The following MEI4 variants were observed in gnomAD, a reference collection of about 807,000 sequenced individuals.
MEI4 encodes meiotic double-stranded break formation protein 4.
In MEI4, 27 loss-of-function variants were observed where a neutral mutation model predicts 31.4. The ratio of observed to expected loss-of-function variants is 0.86; its 90% CI spans 0.63 to 1.19. MEI4 has a LOEUF of 1.19. Among genes scored for constraint, MEI4 ranks in the 50% most tolerant of loss-of-function variants. The pLI is 0.00. For missense variants in MEI4, 329 were observed against 398.9 expected (o/e 0.82, Z 1.49); for synonymous variants, 122 against 145.4 (o/e 0.84, Z 1.16).
intron 3 of MEI4, among the ~76,000 whole-genome samples, chr6:77,778,125 C>G (rs9343657): frequency 1.8e-5 from 2 of 112,012 alleles, no homozygotes; most frequent in Non-Finnish European, 3.3e-5. Flanking sequence ...AGAGAGCAGG[C>G]AAGAGAGTGC....
intron 1 of MEI4, among the ~76,000 whole-genome samples, chr6:77,678,350 G>T (rs62418197): frequency 1.3e-5 from 2 of 152,150 alleles, no homozygotes; most frequent in East Asian, 3.9e-4. Context: ...GTTTGGATTT[G>T]TGATCTCTAA....
intron 4 of MEI4, among the ~76,000 whole-genome samples, chr6:77,902,754 G>T (rs1766210635): frequency 6.6e-6 from 1 of 152,062 alleles, no homozygotes; most frequent in Non-Finnish European, 1.5e-5. Flanking sequence ...CCATTTGTCT[G>T]TTATCTACCT....
intron 3 of MEI4, among the ~76,000 whole-genome samples, chr6:77,793,935 C>G (rs992494539): frequency 6.6e-6 from 1 of 152,050 alleles, no homozygotes; most frequent in Admixed American, 6.6e-5. Context: ...TAAGTCCTTA[C>G]CTGTCAATAA....
intron 2 of MEI4, among the ~76,000 whole-genome samples, chr6:77,708,962 G>A (rs765946857): frequency 6.6e-5 from 10 of 152,070 alleles, no homozygotes; most frequent in Admixed American, 2.0e-4. Context: ...TTATAGCAAC[G>A]TAAACAGACT....
intron 4 of MEI4, among the ~76,000 whole-genome samples, chr6:77,877,329 A>G (rs1275437682): frequency 6.6e-6 from 1 of 151,886 alleles, no homozygotes; most frequent in Non-Finnish European, 1.5e-5. Context: ...TTTTTTCTAA[A>G]TCTCTTATAA....
chr6:77,865,179 A>G (rs1770988237), intron 4 of MEI4, among the ~76,000 whole-genome samples: 1 of 152,222 alleles, frequency 6.6e-6, no homozygotes, highest in African/African-American at 2.4e-5. Context: ...GAACTAGAGA[A>G]GCAAGAGCAA....
intron 1 of MEI4, among the ~76,000 whole-genome samples, chr6:77,659,421 A>C (rs1279137854): frequency 6.6e-6 from 1 of 152,194 alleles, no homozygotes; most frequent in Non-Finnish European, 1.5e-5. Context: ...GAGTGCTGAA[A>C]GGGGTGTCTT....
chr6:77,761,159 G>A lies in MEI4; in HGVS notation c.262G>A (p.Glu88Lys). Residue 88 changes from glutamate (E) to lysine (K), a missense_variant, in exon 3 of 5, where the codon GAA becomes AAA. Transcript: ENST00000684080. ...CGTTTCCTCCCAGTTGGAGGCTCAG[G>A]AACCTAAGAGTTCTGAAAGTACATT... is the stretch of plus-strand genomic sequence containing the variant. ...GYVSSQLEAQ[E>K]PKSSESTLTS... 2 of 1,231,972 alleles carry A rather than the reference G, an allele frequency of 1.6e-6. No homozygotes were observed. Among genetic ancestry groups the A allele is most frequent in the Non-Finnish European group, 2.0e-6 (2 of 987,890 alleles). The allele number at this position is 1,231,972 out of a possible 1,614,324, so 76.3% of individuals were successfully genotyped here. A position where few individuals can be genotyped will look rare whatever the true frequency, so the allele number is the denominator to read the frequency against.
At chr6:77,699,275 G>C (rs1373121404) in intron 2 of MEI4, among the ~76,000 whole-genome samples, 10 of 143,218 alleles carry the variant, frequency 7.0e-5, no homozygotes, top group South Asian at 4.4e-4. Context: ...CTGCAAGCTC[G>C]GCCTCCCGGG....
intron 2 of MEI4, among the ~76,000 whole-genome samples, chr6:77,692,756 A>G (rs1428334656): frequency 2.0e-5 from 3 of 152,084 alleles, no homozygotes; most frequent in African/African-American, 7.2e-5. Context: ...GATGGTGAAC[A>G]CAGAAATAAG....
chr6:77,829,788 G>C (rs544198500), intron 4 of MEI4, among the ~76,000 whole-genome samples: 1 of 152,088 alleles, frequency 6.6e-6, no homozygotes, highest in Non-Finnish European at 1.5e-5. Context: ...TTAGAGATAG[G>C]TAGAAATGTC....
chr6:77,673,807 T>G (rs1300075143), intron 1 of MEI4, among the ~76,000 whole-genome samples: 1 of 152,192 alleles, frequency 6.6e-6, no homozygotes, highest in African/African-American at 2.4e-5. Flanking sequence ...CAACAAATTG[T>G]GTCCTTTAGT....
chr6:77,743,553 C>A (rs148382642), intron 2 of MEI4, among the ~76,000 whole-genome samples: 1 of 152,176 alleles, frequency 6.6e-6, no homozygotes, highest in Non-Finnish European at 1.5e-5. Flanking sequence ...GATATACAGT[C>A]ATGTCATCTG....
chr6:77,844,970 A>G (rs1770446508), intron 4 of MEI4, among the ~76,000 whole-genome samples: 2 of 152,054 alleles, frequency 1.3e-5, no homozygotes. Context: ...ATGACTTCAA[A>G]TCTTCAGAGA....
chr6:77,858,496 A>C (rs1272026880), intron 4 of MEI4, among the ~76,000 whole-genome samples: 1 of 152,080 alleles, frequency 6.6e-6, no homozygotes, highest in Non-Finnish European at 1.5e-5. Flanking sequence ...TAGCAATTGG[A>C]GTTTTTTTTC....
intron 2 of MEI4, among the ~76,000 whole-genome samples, chr6:77,730,179 G>C (rs78836659): frequency 6.6e-6 from 1 of 152,154 alleles, no homozygotes; most frequent in Non-Finnish European, 1.5e-5. Flanking sequence ...GGCGTGTACA[G>C]TGTATAGGGG....
chr6:77,690,516 G>A (rs2127652221), intron 1 of MEI4, 142 bp from the exon 2 acceptor site: 1 of 404,238 alleles, frequency 2.5e-6, no homozygotes, highest in African/African-American at 2.1e-5. Context: ...TTCAGTCCCT[G>A]ATTTTTTTTT....
At chr6:77,804,322 G>T (rs967130284) in intron 3 of MEI4, among the ~76,000 whole-genome samples, 1 of 152,258 alleles carries the variant, frequency 6.6e-6, no homozygotes, top group Admixed American at 6.5e-5. Context: ...ATTAGGGTGG[G>T]AGTGACCCGA....
At chr6:77,914,322 T>A (rs1381757455) in intron 4 of MEI4, among the ~76,000 whole-genome samples, 2 of 152,076 alleles carry the variant, frequency 1.3e-5, no homozygotes, top group African/African-American at 2.4e-5. Context: ...AGACATTTTT[T>A]AATTTTCTCC....
Sources: allele counts gnomAD v4.1 joint callset (sites outside exome capture counted in the v4.1 genomes callset), GRCh38; gene constraint gnomAD v4.1.1; transcripts MANE v1.5; gene names NCBI Gene and HGNC (gene_info 2026-07-23, HGNC 2026-07-21).